The following GPC3 variants were observed in gnomAD, a reference collection of about 807,000 sequenced individuals.
GPC3 encodes glypican-3.
A neutral mutation model predicts 34.4 loss-of-function variants in GPC3; 3 were observed. That is an observed-to-expected ratio of 0.09 (90% CI 0.04 to 0.23). The LOEUF (loss-of-function observed/expected upper bound fraction) is 0.23. Ranked by LOEUF, GPC3 falls within the 10% of genes least tolerant of loss-of-function variation. GPC3 has a pLI of 1.00. For missense variants in GPC3, 351 were observed against 445.6 expected (o/e 0.79, Z 1.91); for synonymous variants, 177 against 174.0 (o/e 1.02, Z -0.13).
chrX:133,638,598 T>C (rs978495898), intron 6 of GPC3, among the ~76,000 whole-genome samples: 1 of 111,764 alleles, frequency 8.9e-6, no homozygotes, highest in African/African-American at 3.3e-5. Context: ...TTTTCCAATG[T>C]AGATGTATAT....
intron 2 of GPC3, among the ~76,000 whole-genome samples, chrX:133,952,771 T>C (rs1483287171): frequency 8.9e-6 from 1 of 112,625 alleles, no homozygotes; most frequent in African/African-American, 3.2e-5. Flanking sequence ...TGAGAGAAAA[T>C]ATTATTTATT....
intron 7 of GPC3, among the ~76,000 whole-genome samples, chrX:133,567,613 C>T (rs932735017): frequency 9.0e-6 from 1 of 111,688 alleles, no homozygotes; most frequent in East Asian, 2.8e-4. Context: ...ATCTATCGAC[C>T]AGTCCCTCTT....
intron 1 of GPC3, among the ~76,000 whole-genome samples, chrX:133,961,187 G>C (rs1377492402): frequency 1.8e-5 from 2 of 111,193 alleles, no homozygotes; most frequent in Non-Finnish European, 3.8e-5. Flanking sequence ...CTGTTATTTA[G>C]CCTGAAAGAA....
At chrX:133,819,012 C>CT (rs2075706009) in intron 2 of GPC3, among the ~76,000 whole-genome samples, 1 of 108,576 alleles carries the variant, frequency 9.2e-6, no homozygotes, top group African/African-American at 3.4e-5. Context: ...TATTATTATA[C>CT]TTTAAGTTTT....
At chrX:133,697,939 G>C (rs2071131905) in intron 4 of GPC3, among the ~76,000 whole-genome samples, 1 of 111,805 alleles carries the variant, frequency 8.9e-6, no homozygotes, top group African/African-American at 3.3e-5. Context: ...AGGAGAGGAG[G>C]GGGAGCACAG....
intron 2 of GPC3, among the ~76,000 whole-genome samples, chrX:133,809,184 A>G (rs1374773921): frequency 8.9e-6 from 1 of 112,237 alleles, no homozygotes; most frequent in Non-Finnish European, 1.9e-5. Context: ...TGACTCAGGG[A>G]AAAAAATAAT....
chrX:133,947,315 T>G (rs1329931326), intron 2 of GPC3, among the ~76,000 whole-genome samples: 1 of 111,671 alleles, frequency 9.0e-6, no homozygotes, highest in East Asian at 2.9e-4. Flanking sequence ...GTTCAGGACC[T>G]TGTTCAATCA....
rs765648539 is a variant in GPC3, at chrX:133,943,604, C to T, written c.337+9446G>A. ...GAAGCTGGCAAGGTCCAAATAAATA[C>T]AAGTATGTCTGCCTGCTACAAGGCT... On this transcript the variant is annotated intron_variant, in intron 2 of 7. Transcript: ENST00000370818. 1.1e-4 allele frequency among the ~76,000 whole-genome samples: 12 copies of T among 112,340 alleles called. No individual in the cohort carries two copies. In the South Asian group the frequency reaches 2.3e-3, roughly 21 times the overall value.
intron 3 of GPC3, among the ~76,000 whole-genome samples, chrX:133,737,451 G>C (rs896008807): frequency 8.9e-6 from 1 of 112,113 alleles, no homozygotes; most frequent in Non-Finnish European, 1.9e-5. Context: ...TGTGTGTGTG[G>C]AGGAGGTAAG....
At chrX:133,652,481 T>A (rs970210607) in intron 6 of GPC3, among the ~76,000 whole-genome samples, 2 of 111,506 alleles carry the variant, frequency 1.8e-5, no homozygotes, top group African/African-American at 6.5e-5. Context: ...TAAGATCCAG[T>A]GCATATAAAT....
At chrX:133,794,358 G>C (rs772923190) in intron 2 of GPC3, among the ~76,000 whole-genome samples, 3 of 112,019 alleles carry the variant, frequency 2.7e-5, no homozygotes, top group African/African-American at 9.7e-5. Flanking sequence ...GAACGTAAGT[G>C]CTTGAGAATG....
intron 2 of GPC3, among the ~76,000 whole-genome samples, chrX:133,876,844 T>G (rs1309334698): frequency 1.8e-5 from 2 of 111,943 alleles, no homozygotes; most frequent in African/African-American, 6.5e-5. Flanking sequence ...TTCTGGAGTC[T>G]TGACATTAAA....
At chrX:133,760,897 C>T (rs1218577512) in intron 2 of GPC3, among the ~76,000 whole-genome samples, 1 of 111,298 alleles carries the variant, frequency 9.0e-6, no homozygotes, top group African/African-American at 3.3e-5. Flanking sequence ...TACACAGAAA[C>T]TCTGTACTAA....
chrX:133,895,472 G>A (rs1343705122), intron 2 of GPC3, among the ~76,000 whole-genome samples: 3 of 111,384 alleles, frequency 2.7e-5, no homozygotes, highest in Non-Finnish European at 5.6e-5. Flanking sequence ...CATAGAATGC[G>A]ATTCTGAGTA....
At chrX:133,596,243 T>C (rs2069913171) in intron 7 of GPC3, 197 bp downstream of exon 7, 1 of 451,216 alleles carries the variant, frequency 2.2e-6, no homozygotes, top group East Asian at 3.8e-5. Context: ...TACCAAAGGT[T>C]GGAAATGGTG....
intron 2 of GPC3, among the ~76,000 whole-genome samples, chrX:133,792,395 T>A (rs1044449006): frequency 9.0e-6 from 1 of 111,531 alleles, no homozygotes; most frequent in African/African-American, 3.3e-5. Flanking sequence ...TAAATGGGTA[T>A]AGAATGAGAC....
chrX:133,584,484 G>C (rs1569388829), intron 7 of GPC3, among the ~76,000 whole-genome samples: 1 of 111,552 alleles, frequency 9.0e-6, no homozygotes, highest in African/African-American at 3.3e-5. Flanking sequence ...CTCCATTTTT[G>C]TTTTTTCTTT....
chrX:133,839,885 G>A (rs1352230138), intron 2 of GPC3, among the ~76,000 whole-genome samples: 2 of 94,389 alleles, frequency 2.1e-5, no homozygotes, highest in African/African-American at 4.3e-5. Flanking sequence ...CCGAGATCAC[G>A]CCACTGCACT....
At chrX:133,961,765 T>C (rs911046748) in intron 1 of GPC3, among the ~76,000 whole-genome samples, 2 of 111,744 alleles carry the variant, frequency 1.8e-5, no homozygotes, top group Non-Finnish European at 3.8e-5. Context: ...TCATCTGCTA[T>C]AGCCAAATGT....
Sources: gnomAD v4.1 joint callset for allele counts (sites outside exome capture counted in the v4.1 genomes callset) on GRCh38, gnomAD v4.1.1 for gene constraint, MANE v1.5 for transcripts, NCBI Gene and HGNC (gene_info 2026-07-23, HGNC 2026-07-21) for gene names.